RIMS2: variants seen among roughly 807,000 people sequenced by gnomAD.
RIMS2 encodes regulating synaptic membrane exocytosis 2.
Under a neutral mutation model 174.4 loss-of-function variants are expected in RIMS2, and 59 were observed. The ratio of observed to expected loss-of-function variants is 0.34; its 90% CI spans 0.27 to 0.42. The LOEUF (loss-of-function observed/expected upper bound fraction) is 0.42, where lower values mean the gene tolerates loss of function less well. Ranked by LOEUF, RIMS2 falls within the 10% of genes least tolerant of loss-of-function variation. The pLI, the probability that RIMS2 is intolerant of heterozygous loss-of-function variation, is 1.00. For synonymous variants in RIMS2, 606 were observed against 572.5 expected, an observed-to-expected ratio of 1.06 and a Z score of -0.84; for missense variants, 1,620 against 1,666.3, an observed-to-expected ratio of 0.97 and a Z score of 0.48.
At chr8:103,997,729 G>A (rs2095188513) in intron 17 of RIMS2, among the ~76,000 whole-genome samples, 1 of 151,448 alleles carries the variant, frequency 6.6e-6, no homozygotes, top group South Asian at 2.1e-4. Flanking sequence ...GAATTGTTAA[G>A]GCCCTTTGTA....
In RIMS2 at chr8:103,830,424, G is replaced by A. The variant is rs191873650; in HGVS notation, c.699-54874G>A. 9.0e-3 allele frequency among the ~76,000 whole-genome samples: 1,371 copies of A among 152,136 alleles called. 15 individuals are homozygous for A. Among genetic ancestry groups the A allele is most frequent in the Non-Finnish European group, 0.014 (948 of 67,980 alleles). ...ATGATGACATTTTATTCTGGTGAGA[G>A]AAATATCTTATTATTTTTTATGATG... is the stretch of plus-strand genomic sequence containing the variant. On this transcript the variant is annotated intron_variant, in intron 3 of 23. Transcript: ENST00000504942.
intron 13 of RIMS2, among the ~76,000 whole-genome samples, chr8:103,939,973 G>T (rs1244647542): frequency 6.6e-6 from 1 of 152,130 alleles, no homozygotes; most frequent in Non-Finnish European, 1.5e-5. Context: ...TTTGGGCAAA[G>T]TCATTCAACA....
chr8:103,675,882 T>C (rs1406728701), intron 1 of RIMS2, among the ~76,000 whole-genome samples: 1 of 152,184 alleles, frequency 6.6e-6, no homozygotes, highest in Non-Finnish European at 1.5e-5. Flanking sequence ...CTCTATTTAC[T>C]CTATCAGTCT....
At chr8:104,065,169 T>C (rs1300262644) in intron 19 of RIMS2, among the ~76,000 whole-genome samples, 2 of 152,114 alleles carry the variant, frequency 1.3e-5, no homozygotes, top group African/African-American at 2.4e-5. Flanking sequence ...GGGCCTTGTA[T>C]ATACAGATTT....
chr8:103,787,832 G>C (rs975131589), intron 3 of RIMS2, among the ~76,000 whole-genome samples: 1 of 152,026 alleles, frequency 6.6e-6, no homozygotes, highest in Non-Finnish European at 1.5e-5. Flanking sequence ...TGCTAGATCG[G>C]GGAAGTTCTC....
chr8:103,903,263 G>C (rs959256100), intron 4 of RIMS2, among the ~76,000 whole-genome samples: 1 of 152,020 alleles, frequency 6.6e-6, no homozygotes, highest in Non-Finnish European at 1.5e-5. Context: ...GGTGAAGTCA[G>C]TATATTAGTA....
At chr8:104,179,426 A>G (rs2098927240) in intron 19 of RIMS2, among the ~76,000 whole-genome samples, 1 of 151,992 alleles carries the variant, frequency 6.6e-6, no homozygotes, top group Admixed American at 6.6e-5. Flanking sequence ...ATTTGTACAG[A>G]AAAATATGAC....
Position 104,077,918 on chromosome 8 carries a change from G to A in RIMS2, c.3334+63303G>A, listed in dbSNP as rs544331057. Among the ~76,000 whole-genome samples the A allele has an allele frequency of 6.6e-5, 10 of 151,884 alleles. No individual in the cohort carries two copies. The East Asian group carries it at 2.0e-3, about 30-fold the overall frequency. On this transcript the variant is annotated intron_variant, in intron 19 of 23. Transcript: ENST00000504942. The stretch of plus-strand genomic sequence containing the variant: ...AGCACTTCGGGAGGCCAAGGCAGGT[G>A]GATTGCCTGAGGTCAGGAGTTTGAG...
intron 1 of RIMS2, among the ~76,000 whole-genome samples, chr8:103,504,582 G>A (rs1263658367): frequency 6.6e-6 from 1 of 151,922 alleles, no homozygotes; most frequent in African/African-American, 2.4e-5. Context: ...ACACAAATTA[G>A]AAATTATGTG....
intron 3 of RIMS2, chr8:103,880,466 C>T: frequency 2.7e-6 from 1 of 370,388 alleles, no homozygotes; most frequent in Non-Finnish European, 4.8e-6. Context: ...TCTATGACTC[C>T]ATCCTTTGAA....
chr8:104,122,830 T>A (rs1045607281), intron 19 of RIMS2, among the ~76,000 whole-genome samples: 2 of 152,188 alleles, frequency 1.3e-5, no homozygotes, highest in Non-Finnish European at 2.9e-5. Context: ...CTATTAACTC[T>A]TCAAATGTTT....
intron 14 of RIMS2, among the ~76,000 whole-genome samples, chr8:103,957,334 A>G (rs935112723): frequency 6.6e-6 from 1 of 152,228 alleles, no homozygotes; most frequent in Non-Finnish European, 1.5e-5. Flanking sequence ...ACAATAGCAA[A>G]GACTTGGAAC....
intron 1 of RIMS2, among the ~76,000 whole-genome samples, chr8:103,561,184 T>C (rs1315377013): frequency 6.6e-6 from 1 of 152,174 alleles, no homozygotes; most frequent in African/African-American, 2.4e-5. Flanking sequence ...AGAGATTATC[T>C]TAGTCATTTA....
rs990269664 is a variant in RIMS2, at chr8:104,143,826, T to C, written c.3335-101090T>C. Among the ~76,000 whole-genome samples the C allele has an allele frequency of 4.6e-5, 7 of 152,300 alleles. No individual in the cohort carries two copies. In the South Asian group the frequency reaches 1.4e-3, roughly 32 times the overall value. On this transcript the variant is annotated intron_variant, in intron 19 of 23. Coordinates refer to ENST00000504942, the Ensembl canonical transcript of RIMS2. ...TCCACAGAATCACCCCAGTCTTTCA[T>C]TCCTTGGTAAATTATTTCCAGACTA...
At chr8:103,643,505 G>A (rs937054285) in intron 1 of RIMS2, among the ~76,000 whole-genome samples, 12 of 152,100 alleles carry the variant, frequency 7.9e-5, no homozygotes, top group African/African-American at 2.7e-4. Context: ...AAGGAGCTTA[G>A]GTAGTTAGGT....
Position 103,724,537 on chromosome 8 carries a change from G to C in RIMS2, c.387+27241G>C, listed in dbSNP as rs189869892. On this transcript the variant is annotated intron_variant, in intron 2 of 23. Transcript: ENST00000504942. ...TTAGCATTGGATTTTGTTACATATA[G>C]TAAAAGTTTCTTTATTTCAAGATTA... is the stretch of plus-strand genomic sequence containing the variant. Among the ~76,000 whole-genome samples the C allele has an allele frequency of 1.5e-4, 23 of 152,042 alleles. No individual in the cohort carries two copies. The East Asian group carries it at 2.5e-3, about 17-fold the overall frequency.
At chr8:104,139,084 G>C (rs2098545526) in intron 19 of RIMS2, among the ~76,000 whole-genome samples, 1 of 152,034 alleles carries the variant, frequency 6.6e-6, no homozygotes, top group Non-Finnish European at 1.5e-5. Flanking sequence ...GGAGGTGTCT[G>C]AATTTGTTTC....
chr8:103,636,223 G>A (rs1204507255), intron 1 of RIMS2, among the ~76,000 whole-genome samples: 1 of 152,222 alleles, frequency 6.6e-6, no homozygotes, highest in African/African-American at 2.4e-5. Flanking sequence ...TGCTGTGGAA[G>A]TGGGGCCTGC....
chr8:103,608,690 A>T (rs796285909), intron 1 of RIMS2, among the ~76,000 whole-genome samples: 1 of 149,788 alleles, frequency 6.7e-6, no homozygotes, highest in Admixed American at 6.6e-5. Flanking sequence ...ATATAATCTC[A>T]TGGTGCGCCG....
Sources: allele counts gnomAD v4.1 joint callset (sites outside exome capture counted in the v4.1 genomes callset), GRCh38; gene constraint gnomAD v4.1.1; transcripts MANE v1.5; gene names NCBI Gene and HGNC (gene_info 2026-07-23, HGNC 2026-07-21).